Variants in RPS6KA5 observed in about 807,000 individuals in gnomAD.
RPS6KA5 encodes the protein ribosomal protein S6 kinase alpha-5.
A neutral mutation model predicts 85.5 loss-of-function variants in RPS6KA5; 27 were observed. The observed-to-expected ratio is 0.32, with a 90% CI of 0.23 to 0.44. The LOEUF is 0.44. Ranked by LOEUF, RPS6KA5 falls within the 20% of genes least tolerant of loss-of-function variation. The probability of loss-of-function intolerance (pLI) is 1.00; values close to 1 mark genes in which losing one functional copy is unlikely to be tolerated. For missense variants in RPS6KA5, 811 were observed against 980.9 expected (o/e 0.83, Z 2.31); for synonymous variants, 334 against 348.2 (o/e 0.96, Z 0.46).
chr14:90,923,499 T>C (rs2036510203), intron 5 of RPS6KA5, among the ~76,000 whole-genome samples: 1 of 152,060 alleles, frequency 6.6e-6, no homozygotes, highest in Non-Finnish European at 1.5e-5. Flanking sequence ...TTATTCTTGT[T>C]CACTTTTTGC....
chr14:91,025,564 A>G (rs1200951363), intron 1 of RPS6KA5, among the ~76,000 whole-genome samples: 3 of 152,202 alleles, frequency 2.0e-5, no homozygotes, highest in Non-Finnish European at 4.4e-5. Flanking sequence ...GGCAGGAAAG[A>G]TGTACATGAA....
intron 5 of RPS6KA5, among the ~76,000 whole-genome samples, chr14:90,932,837 T>C (rs577529579): frequency 2.6e-5 from 4 of 152,306 alleles, no homozygotes; most frequent in South Asian, 2.1e-4. Context: ...GAGATAGATA[T>C]CTGGGTTTGG....
At chr14:91,037,925 T>C (rs935801173) in intron 1 of RPS6KA5, among the ~76,000 whole-genome samples, 1 of 152,212 alleles carries the variant, frequency 6.6e-6, no homozygotes, top group Non-Finnish European at 1.5e-5. Context: ...ATTACGTGCT[T>C]GAGTATTTAC....
intron 7 of RPS6KA5, among the ~76,000 whole-genome samples, chr14:90,911,865 C>A (rs891988931): frequency 6.6e-6 from 1 of 152,126 alleles, no homozygotes; most frequent in East Asian, 1.9e-4. Context: ...CTATAATGAA[C>A]ATGACATTTA....
chr14:90,875,225 G>A lies in RPS6KA5; in HGVS notation c.1972C>T (p.Gln658Ter). The change falls in exon 15 of 17, where the codon CAA becomes TAA. Residue 658 changes from glutamine (Q) to a stop codon, truncating the protein, a stop_gained. Coordinates refer to ENST00000614987, the MANE Select transcript of RPS6KA5 (RefSeq NM_004755.4). LOFTEE classifies it high-confidence loss of function. ...FEGEAWKNVS[Q>*]EAKDLIQGLL... ...CCTTGGATCAAATCTTTAGCCTCTT[G>A]GGATACATTCTTCCAGGCTTCTCCT... 1 of 1,613,528 alleles carries A rather than the reference G, an allele frequency of 6.2e-7. No individual in the cohort carries two copies. Among genetic ancestry groups the A allele is most frequent in the Non-Finnish European group, 8.5e-7 (1 of 1,179,746 alleles).
chr14:90,979,138 C>T (rs1490280644), intron 2 of RPS6KA5, among the ~76,000 whole-genome samples: 1 of 152,222 alleles, frequency 6.6e-6, no homozygotes. Context: ...GTCAACCTTG[C>T]CACACTTTTC....
chr14:91,018,342 T>C (rs772201114), intron 1 of RPS6KA5, among the ~76,000 whole-genome samples: 2 of 152,208 alleles, frequency 1.3e-5, no homozygotes, highest in Admixed American at 1.3e-4. Flanking sequence ...AGGTGTCAAC[T>C]TGATTGGATT....
rs187473125 is a variant in RPS6KA5 at position 91,039,493 on chromosome 14, A to G, written c.103+20839T>C. Among the ~76,000 whole-genome samples the G allele has an allele frequency of 2.0e-3, 306 of 152,310 alleles. 1 individual carries two copies. The highest frequency in any genetic ancestry group is 3.4e-3 in the Non-Finnish European group (230 of 68,034). Reference sequence around the variant, plus strand: ...GCCCCTCAGAATTTTCTACTCTCAGATCAATACAAATAAGCATTTATTTTC... The same window carrying G: ...GCCCCTCAGAATTTTCTACTCTCAGGTCAATACAAATAAGCATTTATTTTC... On this transcript the variant is annotated intron_variant, in intron 1 of 16. Transcript: ENST00000614987.
chr14:91,025,416 A>G (rs1324745380), intron 1 of RPS6KA5, among the ~76,000 whole-genome samples: 1 of 152,182 alleles, frequency 6.6e-6, no homozygotes, highest in African/African-American at 2.4e-5. Context: ...ACTGCAGAAG[A>G]GCCCTATGAA....
rs1396899100 is a variant in RPS6KA5 at position 91,057,011 on chromosome 14, C to T, written c.103+3321G>A. On this transcript the variant is annotated intron_variant, in intron 1 of 16. Coordinates refer to ENST00000614987, the MANE Select transcript of RPS6KA5 (RefSeq NM_004755.4). The stretch of plus-strand genomic sequence containing the variant: ...CCTCCTGCCTCAGCCTCCCGAGTAG[C>T]TGGGACTACAGGTACGTGCCACCAT... Among the ~76,000 whole-genome samples the T allele has an allele frequency of 3.3e-5, 5 of 150,698 alleles. No homozygotes were observed. The South Asian group carries it at 6.3e-4, about 19-fold the overall frequency.
chr14:91,051,025 C>T (rs1315503), intron 1 of RPS6KA5, among the ~76,000 whole-genome samples: 84,836 of 151,454 alleles, frequency 0.56, 23,862 homozygotes, highest in Non-Finnish European at 0.59. Flanking sequence ...GTCAGGAGTT[C>T]CAGACCAGCC....
chr14:90,858,687 G>A lies in RPS6KA5; in HGVS notation c.*13387C>T, dbSNP rs1431178183. The A allele has an allele frequency of 6.6e-6, 1 of 152,188 alleles. No homozygotes were observed. Among genetic ancestry groups the A allele is most frequent in the Non-Finnish European group, 1.5e-5 (1 of 68,046 alleles). 9.4% of individuals were successfully genotyped at this position (152,188 alleles called of 1,614,324 possible). A position where few individuals can be genotyped will look rare whatever the true frequency, so the allele number is the denominator to read the frequency against. On this transcript the variant is annotated 3_prime_UTR_variant, in exon 17 of 17. Coordinates refer to ENST00000614987, the MANE Select transcript of RPS6KA5 (RefSeq NM_004755.4). ...GAGCAAACCAATGCAGGGAGAACTT[G>A]ACGAGCTGCAATAAAATAGCTGAAA...
At chr14:90,996,170 G>C (rs147882388) in intron 2 of RPS6KA5, among the ~76,000 whole-genome samples, 227 of 151,372 alleles carry the variant, frequency 1.5e-3, no homozygotes, top group African/African-American at 4.8e-3. Flanking sequence ...TGTCACAACA[G>C]CCCAGGCTAA....
At chr14:90,920,073 G>A in intron 7 of RPS6KA5, 133 bp downstream of exon 7, 1 of 706,482 alleles carries the variant, frequency 1.4e-6, no homozygotes. Context: ...TGATAGAAAT[G>A]AAAATTTACC....
intron 2 of RPS6KA5, among the ~76,000 whole-genome samples, chr14:90,981,837 C>T (rs933159179): frequency 5.3e-5 from 8 of 152,226 alleles, no homozygotes; most frequent in South Asian, 2.1e-4. Flanking sequence ...TTTCAGATAA[C>T]GATCTTACTT....
Position 90,875,122 on chromosome 14 carries a change from T to C in RPS6KA5, c.1996+79A>G, listed in dbSNP as rs539051860. On this transcript the variant is annotated intron_variant, in intron 15 of 16. Coordinates refer to ENST00000614987, the MANE Select transcript of RPS6KA5 (RefSeq NM_004755.4). ...ATGGATTCCTCGAGTAATTAACATATGAATGTATGTGTAATGGCCATGATT... is the reference window on the plus strand; with the variant it reads ...ATGGATTCCTCGAGTAATTAACATACGAATGTATGTGTAATGGCCATGATT... The C allele has an allele frequency of 2.4e-4, 322 of 1,321,496 alleles. 2 individuals are homozygous for C. Among genetic ancestry groups the C allele is most frequent in the African/African-American group, 1.7e-3 (119 of 68,390 alleles). 81.9% of individuals were successfully genotyped at this position (1,321,496 alleles called of 1,614,324 possible). A position where few individuals can be genotyped will look rare whatever the true frequency, so the allele number is the denominator to read the frequency against.
rs551260013 is a variant in RPS6KA5, at chr14:91,045,969, T to C, written c.103+14363A>G. 5.9e-5 allele frequency among the ~76,000 whole-genome samples: 9 copies of C among 152,240 alleles called. No individual in the cohort carries two copies. The East Asian group carries it at 1.5e-3, about 26-fold the overall frequency. On this transcript the variant is annotated intron_variant, in intron 1 of 16. Transcript: ENST00000614987. Reference sequence around the variant, plus strand: ...CATTGTGTTGGAAGACCATCTGTGTTGCTTCCTTTGATAGAAAGGCTTTGT... The same window carrying C: ...CATTGTGTTGGAAGACCATCTGTGTCGCTTCCTTTGATAGAAAGGCTTTGT...
At chr14:90,889,735 G>A (rs1272587447) in intron 14 of RPS6KA5, among the ~76,000 whole-genome samples, 1 of 152,126 alleles carries the variant, frequency 6.6e-6, no homozygotes, top group Non-Finnish European at 1.5e-5. Flanking sequence ...ATTCAAATAT[G>A]TATACATGTA....
intron 13 of RPS6KA5, among the ~76,000 whole-genome samples, chr14:90,890,897 C>A (rs2140195014): frequency 6.6e-6 from 1 of 152,206 alleles, no homozygotes; most frequent in Non-Finnish European, 1.5e-5. Flanking sequence ...TTTTCAACTG[C>A]ACCATGCCTC....
Sources: gnomAD v4.1 joint callset for allele counts (sites outside exome capture counted in the v4.1 genomes callset) on GRCh38, gnomAD v4.1.1 for gene constraint, MANE v1.5 for transcripts, NCBI Gene and HGNC (gene_info 2026-07-23, HGNC 2026-07-21) for gene names.